Variants in TAF12 observed in about 807,000 individuals in gnomAD.
TAF12 encodes the protein TATA-box binding protein associated factor 12.
A neutral mutation model predicts 20.8 loss-of-function variants in TAF12; 3 were observed. The observed-to-expected ratio is 0.14, with a 90% confidence interval of 0.07 to 0.37. TAF12 has a LOEUF of 0.37. Ranked by LOEUF, TAF12 falls within the 10% of genes least tolerant of loss-of-function variation. The pLI is 1.00. For missense variants in TAF12, 131 were observed against 197.9 expected (o/e 0.66, Z 2.03); for synonymous variants, 69 against 70.2 (o/e 0.98, Z 0.09).
chr1:28,602,981 CCT>C lies in TAF12; in HGVS notation c.*556_*557del, dbSNP rs936647372. 1.3e-5 allele frequency: 2 copies of C among 152,090 alleles called. No homozygotes were observed. The highest frequency in any genetic ancestry group is 4.8e-5 in the African/African-American group (2 of 41,330). 9.4% of individuals were successfully genotyped at this position (152,090 alleles called of 1,614,324 possible). On this transcript the variant is annotated 3_prime_UTR_variant, in exon 6 of 6. Transcript: ENST00000373824. The stretch of plus-strand genomic sequence containing the variant: ...CCTTGGGGTAAAATGATGGAAAATC[CCT>C]GAGTTTTTCTCAAACACCAAAATGA...
intron 1 of TAF12, among the ~76,000 whole-genome samples, chr1:28,630,543 C>A (rs551650981): frequency 6.6e-6 from 1 of 150,958 alleles, no homozygotes. Flanking sequence ...CAGAGTGAGA[C>A]GCTGTCTCAA....
At chr1:28,614,283 G>A (rs2124316342) in intron 3 of TAF12, among the ~76,000 whole-genome samples, 1 of 151,972 alleles carries the variant, frequency 6.6e-6, no homozygotes, top group South Asian at 2.1e-4. Flanking sequence ...ATAAATAGAG[G>A]CCAGGCATGG....
intron 1 of TAF12, among the ~76,000 whole-genome samples, chr1:28,635,819 T>C (rs890461843): frequency 3.3e-5 from 5 of 150,400 alleles, no homozygotes; most frequent in East Asian, 1.9e-4. Context: ...TAACTGTTTT[T>C]TTTTTTTTAA....
rs540071404 is a variant in TAF12, at chr1:28,637,528, T to G, written c.-85+5464A>C. 6.6e-5 allele frequency among the ~76,000 whole-genome samples: 10 copies of G among 151,776 alleles called. No homozygotes were observed. The South Asian group carries it at 1.9e-3, about 29-fold the overall frequency. ...AAAAATACAAAAAATAGCCGGGCAT[T>G]GTGGCGCGCGCTTATAGTCCCAGCT... is the stretch of plus-strand genomic sequence containing the variant. On this transcript the variant is annotated intron_variant, in intron 1 of 5. Transcript: ENST00000373824.
At chr1:28,626,771 G>C (rs925438525) in intron 1 of TAF12, among the ~76,000 whole-genome samples, 2 of 148,844 alleles carry the variant, frequency 1.3e-5, no homozygotes, top group African/African-American at 4.9e-5. Flanking sequence ...TTAGCCAGGT[G>C]GGGTGGCAGG....
At chr1:28,637,465 G>C (rs1667874720) in intron 1 of TAF12, among the ~76,000 whole-genome samples, 1 of 152,104 alleles carries the variant, frequency 6.6e-6, no homozygotes, top group Non-Finnish European at 1.5e-5. Flanking sequence ...AGGAGTTCAA[G>C]ACCAGCCTGA....
At chr1:28,641,793 C>CA (rs35540210) in intron 1 of TAF12, among the ~76,000 whole-genome samples, 23,080 of 86,272 alleles carry the variant, frequency 0.27, 3,707 homozygotes, top group African/African-American at 0.51. Flanking sequence ...GAACCTGTCT[C>CA]AAAAAAAAAA....
At chr1:28,614,735 T>G (rs1340669607) in intron 3 of TAF12, among the ~76,000 whole-genome samples, 1 of 151,004 alleles carries the variant, frequency 6.6e-6, no homozygotes, top group Non-Finnish European at 1.5e-5. Flanking sequence ...GTTCTGAGTC[T>G]AAATCTTGAG....
intron 1 of TAF12, among the ~76,000 whole-genome samples, chr1:28,624,733 C>T (rs536278898): frequency 6.8e-4 from 103 of 150,830 alleles, no homozygotes; most frequent in African/African-American, 2.2e-3. Context: ...GGCAACAGAG[C>T]GAGACTCTGT....
At chr1:28,629,080 A>G (rs578059917) in intron 1 of TAF12, among the ~76,000 whole-genome samples, 116 of 152,296 alleles carry the variant, frequency 7.6e-4, no homozygotes, top group African/African-American at 2.5e-3. Context: ...CAAATAAATA[A>G]ATGAATAAAA....
intron 1 of TAF12, among the ~76,000 whole-genome samples, chr1:28,641,309 C>T (rs1042252841): frequency 6.6e-6 from 1 of 151,828 alleles, no homozygotes; most frequent in Non-Finnish European, 1.5e-5. Flanking sequence ...ATGGCAAAAA[C>T]CTGTCTCTAC....
At chr1:28,614,845 C>T (rs1361029722) in intron 3 of TAF12, among the ~76,000 whole-genome samples, 3 of 152,158 alleles carry the variant, frequency 2.0e-5, no homozygotes, top group Non-Finnish European at 4.4e-5. Flanking sequence ...TGGCTCACTC[C>T]TATAATCCCA....
chr1:28,610,477 A>C (rs997840387), intron 4 of TAF12, among the ~76,000 whole-genome samples: 2 of 151,664 alleles, frequency 1.3e-5, no homozygotes, highest in Admixed American at 6.6e-5. Flanking sequence ...ATCTTTTTTA[A>C]ATCTTTTAAA....
At chr1:28,618,278 T>G (rs1667104076) in intron 2 of TAF12, among the ~76,000 whole-genome samples, 1 of 152,194 alleles carries the variant, frequency 6.6e-6, no homozygotes, top group South Asian at 2.1e-4. Context: ...TATTTCAGCC[T>G]CATGTCTTTT....
chr1:28,629,975 T>A (rs1013275059), intron 1 of TAF12, among the ~76,000 whole-genome samples: 6 of 152,058 alleles, frequency 3.9e-5, no homozygotes, highest in African/African-American at 1.4e-4. Context: ...GGTCTTACTT[T>A]GTGGCCCAGG....
intron 1 of TAF12, among the ~76,000 whole-genome samples, chr1:28,634,992 C>T (rs1200153074): frequency 2.0e-5 from 3 of 150,650 alleles, no homozygotes; most frequent in Non-Finnish European, 4.4e-5. Context: ...TTTGGGAGGC[C>T]GAGGCAGGCG....
intron 1 of TAF12, among the ~76,000 whole-genome samples, chr1:28,639,092 T>A (rs1338445260): frequency 1.3e-5 from 2 of 151,758 alleles, no homozygotes; most frequent in Admixed American, 6.6e-5. Flanking sequence ...TTTAATTTTT[T>A]AAGACAGAAT....
chr1:28,640,042 C>T (rs1054913389), intron 1 of TAF12, among the ~76,000 whole-genome samples: 3 of 152,148 alleles, frequency 2.0e-5, no homozygotes, highest in Admixed American at 6.6e-5. Flanking sequence ...GGGGTTTTGC[C>T]ATGTTGGCCA....
At chr1:28,626,921 ATT>A (rs957053525) in intron 1 of TAF12, among the ~76,000 whole-genome samples, 1 of 151,214 alleles carries the variant, frequency 6.6e-6, no homozygotes, top group Non-Finnish European at 1.5e-5. Context: ...CAAAAAAAAA[ATT>A]TTTTTTTTAA....
Sources: allele counts gnomAD v4.1 joint callset (sites outside exome capture counted in the v4.1 genomes callset), GRCh38; gene constraint gnomAD v4.1.1; transcripts MANE v1.5; gene names NCBI Gene and HGNC (gene_info 2026-07-23, HGNC 2026-07-21).